The following DHRSX variants were observed in gnomAD, a reference collection of about 807,000 sequenced individuals.
DHRSX encodes the protein dehydrogenase/reductase X-linked, also known as polyprenol dehydrogenase.
In DHRSX, 31 loss-of-function variants were observed where a neutral mutation model predicts 34.0. The observed-to-expected ratio is 0.91, with a 90% CI of 0.69 to 1.23. The LOEUF (loss-of-function observed/expected upper bound fraction) is 1.23, where lower values mean the gene tolerates loss of function less well. DHRSX is among the 50% of genes most tolerant of loss of function. The pLI, the probability that DHRSX is intolerant of heterozygous loss-of-function variation, is 0.00. For synonymous variants in DHRSX, 201 were observed against 183.8 expected (o/e 1.09, Z -0.76); for missense variants, 414 against 428.1 (o/e 0.97, Z 0.29).
intron 1 of DHRSX, among the ~76,000 whole-genome samples, chrX:2,441,266 A>G (rs1458746441): frequency 1.3e-5 from 2 of 152,180 alleles, no homozygotes; most frequent in Non-Finnish European, 2.9e-5. Context: ...GCTAAGGACT[A>G]TTTGACAGGA....
chrX:2,466,516 A>G (rs971059077), intron 1 of DHRSX, among the ~76,000 whole-genome samples: 6 of 152,180 alleles, frequency 3.9e-5, no homozygotes, highest in Non-Finnish European at 7.3e-5. Flanking sequence ...CATTATCCTT[A>G]GCAAACTCAC....
chrX:2,406,174 C>T (rs2043552658), intron 3 of DHRSX, among the ~76,000 whole-genome samples: 1 of 151,886 alleles, frequency 6.6e-6, no homozygotes, highest in Non-Finnish European at 1.5e-5. Flanking sequence ...TGCCTGTAAT[C>T]TCAGCTACTC....
intron 1 of DHRSX, among the ~76,000 whole-genome samples, chrX:2,439,070 A>G: frequency 6.6e-6 from 1 of 151,638 alleles, no homozygotes; most frequent in African/African-American, 2.4e-5. Context: ...TTTTGAACCC[A>G]GGAGGTGGAG....
Position 2,259,319 on chromosome X carries a change from T to C in DHRSX, c.596+7421A>G, listed in dbSNP as rs899740041. 2.0e-5 allele frequency among the ~76,000 whole-genome samples: 3 copies of C among 146,660 alleles called. No homozygotes were observed. In the Admixed American group the frequency reaches 2.1e-4, roughly 10 times the overall value. On this transcript the variant is annotated intron_variant, in intron 5 of 6. Coordinates refer to ENST00000334651, the MANE Select transcript of DHRSX (RefSeq NM_145177.3). ...ATATATAGATATAGATATAGATATA[T>C]AGATAGATATAGATATATATAGATA...
At chrX:2,230,094 TATGC>T (rs2015837985) in intron 6 of DHRSX, among the ~76,000 whole-genome samples, 1 of 152,232 alleles carries the variant, frequency 6.6e-6, no homozygotes, top group East Asian at 1.9e-4. Context: ...CATGTGTGTC[TATGC>T]ATGTGAAGGT....
intron 1 of DHRSX, among the ~76,000 whole-genome samples, chrX:2,485,030 GA>G (rs2044850893): frequency 6.6e-6 from 1 of 152,162 alleles, no homozygotes; most frequent in South Asian, 2.1e-4. Flanking sequence ...AAAACAGTTC[GA>G]AGCAGGCAAT....
chrX:2,375,746 C>T (rs751253382), intron 3 of DHRSX, among the ~76,000 whole-genome samples: 1 of 136,368 alleles, frequency 7.3e-6, no homozygotes, highest in South Asian at 2.4e-4. Flanking sequence ...GATTCTCCTG[C>T]CTCAGCCTCC....
At chrX:2,500,491 G>A in intron 1 of DHRSX, 1 of 157,450 alleles carries the variant, frequency 6.4e-6, no homozygotes, top group Non-Finnish European at 1.4e-5. Context: ...GTGCGCGGGG[G>A]GGCGGCTGCA....
At chrX:2,311,985 G>A (rs2042170371) in intron 3 of DHRSX, among the ~76,000 whole-genome samples, 1 of 152,132 alleles carries the variant, frequency 6.6e-6, no homozygotes, top group South Asian at 2.1e-4. Context: ...CAAGAGTAAT[G>A]CTTCTGGGCA....
chrX:2,367,633 C>T (rs1330030228), intron 3 of DHRSX, among the ~76,000 whole-genome samples: 1 of 152,064 alleles, frequency 6.6e-6, no homozygotes, highest in Non-Finnish European at 1.5e-5. Context: ...GTTATAAAGT[C>T]ATTTTTTATG....
chrX:2,237,349 C>T (rs907082577), intron 6 of DHRSX, among the ~76,000 whole-genome samples: 17 of 152,128 alleles, frequency 1.1e-4, no homozygotes, highest in African/African-American at 3.6e-4. Context: ...AGCAATGATA[C>T]GAGTGGTCTA....
intron 6 of DHRSX, among the ~76,000 whole-genome samples, chrX:2,240,230 T>C (rs945263881): frequency 1.3e-5 from 2 of 150,686 alleles, no homozygotes; most frequent in South Asian, 2.1e-4. Context: ...GAGGCGGAGG[T>C]TGCAGTGAGC....
At chrX:2,418,299 G>A (rs1217219414) in intron 2 of DHRSX, among the ~76,000 whole-genome samples, 1 of 151,706 alleles carries the variant, frequency 6.6e-6, no homozygotes, top group Non-Finnish European at 1.5e-5. Flanking sequence ...CATAACCAAA[G>A]GAGACGTTAT....
At chrX:2,374,058 T>C (rs2043112009) in intron 3 of DHRSX, among the ~76,000 whole-genome samples, 1 of 152,198 alleles carries the variant, frequency 6.6e-6, no homozygotes, top group African/African-American at 2.4e-5. Context: ...ACCTGCCCTC[T>C]ACTCACCTGT....
intron 3 of DHRSX, among the ~76,000 whole-genome samples, chrX:2,388,564 C>G (rs2043298707): frequency 6.6e-6 from 1 of 151,754 alleles, no homozygotes; most frequent in African/African-American, 2.4e-5. Context: ...GTCCAGCCTC[C>G]AGTACTGTGG....
At chrX:2,263,287 G>A (rs1478232093) in intron 5 of DHRSX, among the ~76,000 whole-genome samples, 3 of 152,098 alleles carry the variant, frequency 2.0e-5, no homozygotes, top group Admixed American at 1.3e-4. Flanking sequence ...AGGTCACGAT[G>A]GGGGAGACTC....
intron 1 of DHRSX, 71 bp downstream of exon 1, chrX:2,500,746 G>T: frequency 1.7e-6 from 1 of 597,998 alleles, no homozygotes; most frequent in Non-Finnish European, 2.1e-6. Flanking sequence ...GAGCCCCCGC[G>T]CCCCCGCCCC....
At chrX:2,248,872 G>A (rs1217671648) in intron 5 of DHRSX, among the ~76,000 whole-genome samples, 2 of 152,128 alleles carry the variant, frequency 1.3e-5, no homozygotes, top group African/African-American at 2.4e-5. Flanking sequence ...TCGTTCAGAC[G>A]TCGTTGAACC....
Position 2,266,777 on chromosome X carries a change from A to G in DHRSX, c.559T>C (p.Tyr187His). ...RVVTVSSATH[Y>H]VAELNMDDLQ... ...TCATCCATGTTCAGCTCAGCGACGT[A>G]ATGGGTGGCAGAGGAGACGGTGACC... The change falls in exon 5 of 7, where the codon TAC (tyrosine) becomes CAC (histidine). Residue 187 changes from tyrosine to histidine, a missense_variant. Transcript: ENST00000334651. 1 of 1,613,944 alleles carries G rather than the reference A, an allele frequency of 6.2e-7. No homozygotes were observed. The highest frequency in any genetic ancestry group is 1.3e-5 in the African/African-American group (1 of 75,028).
Sources: gnomAD v4.1 joint callset for allele counts (sites outside exome capture counted in the v4.1 genomes callset) on GRCh38, gnomAD v4.1.1 for gene constraint, MANE v1.5 for transcripts, NCBI Gene and HGNC (gene_info 2026-07-23, HGNC 2026-07-21) for gene names.